Variants in SHQ1 observed in about 807,000 individuals in gnomAD.
The protein encoded by SHQ1 is SHQ1, H/ACA ribonucleoprotein assembly factor.
A neutral mutation model predicts 53.8 loss-of-function variants in SHQ1; 49 were observed. The ratio of observed to expected loss-of-function variants is 0.91; its 90% CI spans 0.72 to 1.16. The LOEUF is 1.16. Among genes scored for constraint, SHQ1 ranks in the 50% most tolerant of loss-of-function variants. The pLI is 0.00. For synonymous variants in SHQ1, 243 were observed against 251.0 expected (o/e 0.97, Z 0.30); for missense variants, 738 against 683.1 (o/e 1.08, Z -0.90).
Position 72,750,413 on chromosome 3 carries a change from A to G in SHQ1, c.1605T>C (p.Ser535=), listed in dbSNP as rs375701451. 4 of 1,614,056 alleles carry G rather than the reference A, an allele frequency of 2.5e-6. No homozygotes were observed. Among genetic ancestry groups the G allele is most frequent in the Middle Eastern group, 1.6e-4 (1 of 6,082 alleles). The change falls in exon 11 of 11, where the codon TCT becomes TCC. Residue 535 remains serine, a synonymous_variant. Transcript: ENST00000325599. ...CCCCAAGCTCCTCTATCAGAGGCCC[A>G]GACACTCCAAGAGGCCAGGAAGAGG... ...PLASSWPLGV[S]GPLIEELGEQ... is the part of the protein sequence containing the mutation.
At chr3:72,813,590 C>T (rs1199340986) in intron 8 of SHQ1, among the ~76,000 whole-genome samples, 1 of 151,664 alleles carries the variant, frequency 6.6e-6, no homozygotes, top group African/African-American at 2.4e-5. Context: ...GATGAAACCC[C>T]GTCTCTACTA....
intron 10 of SHQ1, among the ~76,000 whole-genome samples, chr3:72,766,012 G>A (rs1387951120): frequency 6.6e-6 from 1 of 152,104 alleles, no homozygotes; most frequent in Non-Finnish European, 1.5e-5. Flanking sequence ...GATGATATAA[G>A]TGCCATGAAA....
chr3:72,811,605 C>T (rs1336961076), intron 9 of SHQ1, among the ~76,000 whole-genome samples: 1 of 152,196 alleles, frequency 6.6e-6, no homozygotes, highest in African/African-American at 2.4e-5. Context: ...TTTCATCTAA[C>T]CATGATTCAT....
rs570729619 is a variant in SHQ1, at chr3:72,815,882, T to G, written c.883-479A>C. On this transcript the variant is annotated intron_variant, in intron 7 of 10. Transcript: ENST00000325599. ...AAATGCTAGAGAAGGTCTCAAGTTG[T>G]AAGACTTCATGATTTCAAATACACA... Among the ~76,000 whole-genome samples the G allele has an allele frequency of 3.3e-5, 5 of 152,320 alleles. No individual in the cohort carries two copies. The South Asian group carries it at 1.0e-3, about 32-fold the overall frequency.
intron 10 of SHQ1, chr3:72,753,556 G>C (rs1472134084): frequency 1.0e-6 from 1 of 985,264 alleles, no homozygotes. Flanking sequence ...TGAGCGGGAG[G>C]CACAGTGCGG....
rs1444853961 is a variant in SHQ1, at chr3:72,751,535, T to TATATATATATATATATAC, written c.1182-700_1182-699insGTATATATATATATATAT. Among the ~76,000 whole-genome samples the TATATATATATATATATAC allele has an allele frequency of 1.2e-3, 166 of 139,914 alleles. 6 individuals are homozygous for TATATATATATATATATAC. The highest frequency in any genetic ancestry group is 4.9e-3 in the African/African-American group (163 of 33,392). The allele number at this position is 139,914 out of a possible 152,430, so 91.8% of individuals were successfully genotyped here. Reference sequence around the variant, plus strand: ...ATATATATATATATATATATACATATACATACACTAATAAAGCCTAACTCT... The same window carrying TATATATATATATATATAC: ...ATATATATATATATATATATACATATATATATATATATATATACACATACACTAATAAAGCCTAACTCT... On this transcript the variant is annotated intron_variant, in intron 10 of 10. Coordinates refer to ENST00000325599, the MANE Select transcript of SHQ1 (RefSeq NM_018130.3).
chr3:72,760,359 C>T (rs977100979), intron 10 of SHQ1, among the ~76,000 whole-genome samples: 14 of 152,192 alleles, frequency 9.2e-5, no homozygotes, highest in African/African-American at 1.4e-4. Flanking sequence ...TGACTACCAT[C>T]GCGTTTCTTT....
chr3:72,848,260 G>C lies in SHQ1; in HGVS notation c.81C>G (p.Ser27=), dbSNP rs1240371665. ...IAIRVPYARV[S]EFDVYFEGSD... is the part of the protein sequence containing the mutation. Reference sequence around the variant, plus strand: ...ACCCCTCGAAGTAGACGTCGAACTCGGAGACCCGGGCGTAGGGCACGCGGA... The same window carrying C: ...ACCCCTCGAAGTAGACGTCGAACTCCGAGACCCGGGCGTAGGGCACGCGGA... The change falls in exon 1 of 11, where the codon TCC becomes TCG. Residue 27 remains serine, a synonymous_variant. Coordinates refer to ENST00000325599, the MANE Select transcript of SHQ1 (RefSeq NM_018130.3). 1 of 1,614,178 alleles carries C rather than the reference G, an allele frequency of 6.2e-7. No individual in the cohort carries two copies. The highest frequency in any genetic ancestry group is 8.5e-7 in the Non-Finnish European group (1 of 1,180,030).
At chr3:72,824,403 A>G in intron 6 of SHQ1, 21 bp downstream of exon 6, 1 of 1,608,916 alleles carries the variant, frequency 6.2e-7, no homozygotes, top group East Asian at 2.2e-5. Flanking sequence ...GAAACAAATT[A>G]GCCGAATTTG....
Position 72,844,424 on chromosome 3 carries a change from C to A in SHQ1, c.144-1G>T. ...TACAATTCTTCCAGGAAGGGTTAAT[C>A]TGCAGATTTAACACAGGTCTCATGA... is the stretch of plus-strand genomic sequence containing the variant. On this transcript the variant is annotated splice_acceptor_variant, in intron 1 of 10. Transcript: ENST00000325599. LOFTEE classifies it high-confidence loss of function. 1.2e-6 allele frequency: 2 copies of A among 1,613,460 alleles called. No individual in the cohort carries two copies. The highest frequency in any genetic ancestry group is 2.2e-5 in the East Asian group (1 of 44,802).
chr3:72,730,026 G>C, the SHQ1 span, among the ~76,000 whole-genome samples: 1 of 151,876 alleles, frequency 6.6e-6, no homozygotes, highest in Non-Finnish European at 1.5e-5. Context: ...CACCGTGTTA[G>C]CCAGGATGGT....
the SHQ1 span, among the ~76,000 whole-genome samples, chr3:72,732,392 T>G: frequency 6.0e-5 from 7 of 116,260 alleles, no homozygotes; most frequent in African/African-American, 2.4e-4. Context: ...CTGCCTGCCT[T>G]CCTTCCTTCC....
the SHQ1 span, among the ~76,000 whole-genome samples, chr3:72,736,990 C>A: frequency 6.6e-6 from 1 of 151,492 alleles, no homozygotes; most frequent in African/African-American, 2.4e-5. Context: ...TAGGGTTAGG[C>A]CGGGGGTGGT....
chr3:72,840,123 G>T (rs1219882578), intron 4 of SHQ1, among the ~76,000 whole-genome samples: 1 of 150,626 alleles, frequency 6.6e-6, no homozygotes, highest in Admixed American at 6.6e-5. Context: ...GTGGTGATGG[G>T]CGCCTGTAAT....
chr3:72,826,857 T>A (rs978135970), intron 5 of SHQ1, among the ~76,000 whole-genome samples: 3 of 152,202 alleles, frequency 2.0e-5, no homozygotes, highest in Non-Finnish European at 2.9e-5. Flanking sequence ...AAGCCATGTT[T>A]AAAAAATCTC....
chr3:72,827,315 A>G, intron 5 of SHQ1, among the ~76,000 whole-genome samples: 1 of 152,106 alleles, frequency 6.6e-6, no homozygotes, highest in Non-Finnish European at 1.5e-5. Flanking sequence ...CAAGACAGAG[A>G]TATGAGAGTC....
downstream of SHQ1, among the ~76,000 whole-genome samples, chr3:72,748,176 T>C (rs188043104): frequency 8.1e-4 from 123 of 151,502 alleles, 1 homozygote; most frequent in Non-Finnish European, 1.2e-3. Context: ...GCCTAACAAA[T>C]TACAAAGCAA....
chr3:72,763,071 A>T (rs1443774937), intron 10 of SHQ1, among the ~76,000 whole-genome samples: 8 of 151,854 alleles, frequency 5.3e-5, no homozygotes, highest in South Asian at 4.2e-4. Context: ...ACAGAGAGAG[A>T]GAGAGAGAGA....
At chr3:72,793,876 T>C (rs1257369757) in intron 9 of SHQ1, 1 of 152,226 alleles carries the variant, frequency 6.6e-6, no homozygotes, top group Non-Finnish European at 1.5e-5. Context: ...AAAACTCACA[T>C]GAACAAAAGC....
Sources: gnomAD v4.1 joint callset for allele counts (sites outside exome capture counted in the v4.1 genomes callset) on GRCh38, gnomAD v4.1.1 for gene constraint, MANE v1.5 for transcripts, NCBI Gene and HGNC (gene_info 2026-07-23, HGNC 2026-07-21) for gene names.